HPD: variants seen among roughly 807,000 people sequenced by gnomAD.
HPD encodes the protein 4-hydroxyphenylpyruvic acid oxidase.
HPD carries 35 observed loss-of-function variants against 56.9 expected under a neutral mutation model. The ratio of observed to expected loss-of-function variants is 0.62; its 90% CI spans 0.47 to 0.82. The LOEUF is 0.82. Ranked by LOEUF, HPD falls within the 40% of genes least tolerant of loss-of-function variation. HPD has a pLI of 0.00. For missense variants in HPD, 442 were observed against 506.8 expected (o/e 0.87, Z 1.23); for synonymous variants, 186 against 200.2 (o/e 0.93, Z 0.60).
chr12:121,844,283 G>A (rs1486512714), intron 11 of HPD, among the ~76,000 whole-genome samples: 22 of 152,040 alleles, frequency 1.4e-4, no homozygotes, highest in East Asian at 7.9e-4. Context: ...GACCTCAGGC[G>A]ATCCACCTAC....
upstream of HPD, among the ~76,000 whole-genome samples, chr12:121,861,713 G>A (rs1878178445): frequency 6.6e-6 from 1 of 152,148 alleles, no homozygotes; most frequent in South Asian, 2.1e-4. Flanking sequence ...GACCCTTAGA[G>A]TCATGATTTT....
chr12:121,887,609 T>C, the HPD span, among the ~76,000 whole-genome samples: 1 of 152,232 alleles, frequency 6.6e-6, no homozygotes, highest in Non-Finnish European at 1.5e-5. Context: ...TGACCTCAAA[T>C]GATCTGCTTG....
the HPD span, among the ~76,000 whole-genome samples, chr12:121,881,926 G>C: frequency 2.7e-5 from 4 of 147,232 alleles, 1 homozygote; most frequent in Non-Finnish European, 6.0e-5. Context: ...GATTACAGGC[G>C]TGAGCCACCG....
chr12:121,881,925 C>T, the HPD span, among the ~76,000 whole-genome samples: 29 of 147,312 alleles, frequency 2.0e-4, 2 homozygotes, highest in South Asian at 6.8e-4. Context: ...GGATTACAGG[C>T]GTGAGCCACC....
At chr12:121,858,059 A>G (rs1878070942) in intron 2 of HPD, among the ~76,000 whole-genome samples, 1 of 152,174 alleles carries the variant, frequency 6.6e-6, no homozygotes, top group African/African-American at 2.4e-5. Flanking sequence ...CACACAGGGA[A>G]ATAGACTTAT....
At chr12:121,887,579 C>T in the HPD span, among the ~76,000 whole-genome samples, 17 of 152,096 alleles carry the variant, frequency 1.1e-4, no homozygotes, top group Admixed American at 6.6e-4. Flanking sequence ...ACCATGTTGG[C>T]GAGGCTAGTC....
In HPD at chr12:121,839,573, C is replaced by T; in HGVS notation, c.*155G>A. On this transcript the variant is annotated 3_prime_UTR_variant, in exon 14 of 14. Transcript: ENST00000289004. ...TCGGGAGGGCTGGAGCAGAGGGCGGCCCCGCCGAGGGGCGTGGTCAGTGTG... is the reference window on the plus strand; with the variant it reads ...TCGGGAGGGCTGGAGCAGAGGGCGGTCCCGCCGAGGGGCGTGGTCAGTGTG... 1.5e-6 allele frequency: 1 copy of T among 660,278 alleles called. No individual in the cohort carries two copies. The highest frequency in any genetic ancestry group is 2.7e-6 in the Non-Finnish European group (1 of 367,526). The allele number at this position is 660,278 out of a possible 1,614,324, so 40.9% of individuals were successfully genotyped here.
chr12:121,852,358 T>TG (rs1245759162), intron 7 of HPD, among the ~76,000 whole-genome samples: 10 of 151,738 alleles, frequency 6.6e-5, no homozygotes, highest in African/African-American at 1.5e-4. Context: ...TTTGTAGAGA[T>TG]GGGGTCTCCC....
chr12:121,854,533 G>C (rs537610332), intron 7 of HPD, among the ~76,000 whole-genome samples, 170 bp downstream of exon 7: 1 of 152,254 alleles, frequency 6.6e-6, no homozygotes, highest in East Asian at 1.9e-4. Flanking sequence ...GTGGCTGGTG[G>C]CTCCTGCAGT....
In HPD at chr12:121,854,762, G is replaced by A. The variant is rs745739337; in HGVS notation, c.355C>T (p.Arg119Trp). 10 of 1,613,910 alleles carry A rather than the reference G, an allele frequency of 6.2e-6. No individual in the cohort carries two copies. Among genetic ancestry groups the A allele is most frequent in the Middle Eastern group, 3.3e-4 (2 of 6,084 alleles). The change falls in exon 7 of 14, where the codon CGG becomes TGG. Residue 119 changes from arginine (R) to tryptophan (W), a missense_variant. Physicochemically the swap from Arg to Trp is moderately radical, Grantham distance 101. Transcript: ENST00000289004. ...KARERGAKIM[R>W]EPWVEQDKFG... ...TTGTCTTGCTCTACCCAGGGCTCCC[G>A]CATGATTTTGGCGCCCCGTTCCCGT...
Position 121,847,105 on chromosome 12 carries a change from T to A in HPD, c.706A>T (p.Ile236Phe). 1 of 1,614,174 alleles carries A rather than the reference T, an allele frequency of 6.2e-7. No individual in the cohort carries two copies. The highest frequency in any genetic ancestry group is 8.5e-7 in the Non-Finnish European group (1 of 1,180,014). Residue 236 changes from isoleucine (I) to phenylalanine (F), a missense_variant, in exon 10 of 14, where the codon ATC (isoleucine) becomes TTC (phenylalanine). By Grantham distance (21) the Ile-to-Phe change is conservative. Coordinates refer to ENST00000289004, the MANE Select transcript of HPD (RefSeq NM_002150.3). ...SIVVANYEES[I>F]KMPINEPAPG... ...GCTGGCTCATTGATGGGCATCTTGA[T>A]GGACTCTTCATAGTTGGCCACCACA...
At chr12:121,846,187 C>T (rs1179958106) in intron 11 of HPD, among the ~76,000 whole-genome samples, 1 of 152,212 alleles carries the variant, frequency 6.6e-6, no homozygotes, top group East Asian at 1.9e-4. Flanking sequence ...GCATAAGCCA[C>T]TGTGCCCAGT....
the HPD span, among the ~76,000 whole-genome samples, chr12:121,872,003 C>T: frequency 1.3e-5 from 2 of 148,832 alleles, no homozygotes; most frequent in African/African-American, 2.5e-5. Context: ...GAGGCCGAGG[C>T]GGGTGGATCA....
chr12:121,840,660 C>G (rs865955327), intron 12 of HPD, among the ~76,000 whole-genome samples: 1 of 151,988 alleles, frequency 6.6e-6, no homozygotes, highest in Admixed American at 6.6e-5. Context: ...CAGTGGAAAT[C>G]GGAACCCTCA....
upstream of HPD, among the ~76,000 whole-genome samples, chr12:121,865,752 G>T (rs1048413597): frequency 6.6e-6 from 1 of 151,880 alleles, no homozygotes; most frequent in South Asian, 2.1e-4. Context: ...CACTTTGGGA[G>T]GCCAAAGCGG....
At chr12:121,844,063 C>CT (rs548492978) in intron 11 of HPD, among the ~76,000 whole-genome samples, 182 of 151,412 alleles carry the variant, frequency 1.2e-3, no homozygotes, top group Non-Finnish European at 1.9e-3. Flanking sequence ...TTCTTTTTTT[C>CT]TTTTTTTTTG....
chr12:121,872,471 T>G, the HPD span, among the ~76,000 whole-genome samples: 1 of 151,874 alleles, frequency 6.6e-6, no homozygotes, highest in African/African-American at 2.4e-5. Context: ...CCTCAAGTGA[T>G]CCACCTGCCT....
At chr12:121,853,808 C>G (rs4760103) in intron 7 of HPD, among the ~76,000 whole-genome samples, 68,452 of 151,044 alleles carry the variant, frequency 0.45, 16,114 homozygotes, top group East Asian at 0.76. Context: ...GCCGTGTGTG[C>G]GGGTGGATGC....
At chr12:121,877,705 C>T in the HPD span, among the ~76,000 whole-genome samples, 1 of 151,852 alleles carries the variant, frequency 6.6e-6, no homozygotes, top group Non-Finnish European at 1.5e-5. Context: ...TGCGCTCCAG[C>T]CTGGGTGACG....
Sources: allele counts gnomAD v4.1 joint callset (sites outside exome capture counted in the v4.1 genomes callset), GRCh38; gene constraint gnomAD v4.1.1; transcripts MANE v1.5; gene names NCBI Gene and HGNC (gene_info 2026-07-23, HGNC 2026-07-21).